SUGCT: variants seen among roughly 807,000 people sequenced by gnomAD.
SUGCT encodes succinyl-CoA:glutarate CoA-transferase.
A neutral mutation model predicts 55.0 loss-of-function variants in SUGCT; 41 were observed. The ratio of observed to expected loss-of-function variants is 0.74; its 90% CI spans 0.58 to 0.97. The LOEUF is 0.97. SUGCT is among the 50% of genes least tolerant of loss of function. The probability of loss-of-function intolerance (pLI) is 0.00; values close to 1 mark genes in which losing one functional copy is unlikely to be tolerated. For synonymous variants in SUGCT, 187 were observed against 200.4 expected (o/e 0.93, Z 0.56); for missense variants, 568 against 547.8 (o/e 1.04, Z -0.37).
intron 7 of SUGCT, among the ~76,000 whole-genome samples, chr7:40,242,931 A>AGTTTTT (rs1789531957): frequency 4.7e-5 from 1 of 21,066 alleles, no homozygotes; most frequent in Non-Finnish European, 8.7e-5. Flanking sequence ...ATATATATAT[A>AGTTTTT]TATTTTTTTT....
At chr7:40,677,955 G>T (rs1279437512) in intron 12 of SUGCT, among the ~76,000 whole-genome samples, 1 of 152,142 alleles carries the variant, frequency 6.6e-6, no homozygotes, top group Non-Finnish European at 1.5e-5. Context: ...TTCCAAAGTG[G>T]CCCAGGGACA....
chr7:40,597,855 A>G (rs73689830), intron 12 of SUGCT, among the ~76,000 whole-genome samples: 4 of 152,184 alleles, frequency 2.6e-5, no homozygotes, highest in African/African-American at 9.7e-5. Context: ...TTCCTGTAAC[A>G]TAATTCAGCC....
rs1004505855 is a variant in SUGCT at position 40,769,938 on chromosome 7, T to C, written c.1153+20441T>C. On this transcript the variant is annotated intron_variant, in intron 13 of 13. Coordinates refer to ENST00000335693, the MANE Select transcript of SUGCT (RefSeq NM_001193313.2). ...CAACACTTAGTTGTTGATTCTTGGATTGAGCCTGTATATTAACTCACTCAT... is the reference window on the plus strand; with the variant it reads ...CAACACTTAGTTGTTGATTCTTGGACTGAGCCTGTATATTAACTCACTCAT... Among the ~76,000 whole-genome samples the C allele has an allele frequency of 1.1e-4, 16 of 152,232 alleles. 1 individual carries two copies. Among genetic ancestry groups the C allele is most frequent in the Non-Finnish European group, 2.2e-4 (15 of 68,046 alleles).
At chr7:40,605,252 C>T (rs887944017) in intron 12 of SUGCT, among the ~76,000 whole-genome samples, 1 of 152,224 alleles carries the variant, frequency 6.6e-6, no homozygotes. Context: ...CCACCAGTTT[C>T]CTTTCATCGT....
chr7:40,386,910 T>G (rs1453141056), intron 9 of SUGCT, among the ~76,000 whole-genome samples: 1 of 152,178 alleles, frequency 6.6e-6, no homozygotes, highest in East Asian at 1.9e-4. Flanking sequence ...GGCAATCTTT[T>G]TCTTTCTCTT....
intron 13 of SUGCT, among the ~76,000 whole-genome samples, chr7:40,845,439 G>C (rs1422392624): frequency 1.3e-5 from 2 of 152,150 alleles, no homozygotes; most frequent in East Asian, 1.9e-4. Context: ...AAACAGCAGG[G>C]GAGAAGGATT....
At chr7:40,333,818 A>T (rs900859083) in intron 9 of SUGCT, among the ~76,000 whole-genome samples, 24 of 149,364 alleles carry the variant, frequency 1.6e-4, no homozygotes, top group Non-Finnish European at 3.0e-4. Flanking sequence ...TTTGTTACAT[A>T]TGTATACATG....
intron 1 of SUGCT, among the ~76,000 whole-genome samples, chr7:40,158,009 C>T (rs553638780): frequency 6.6e-6 from 1 of 152,112 alleles, no homozygotes; most frequent in East Asian, 1.9e-4. Flanking sequence ...GAGTTCAAGA[C>T]CAGCCTGGCC....
At chr7:40,432,543 G>A (rs1302168550) in intron 9 of SUGCT, among the ~76,000 whole-genome samples, 2 of 151,982 alleles carry the variant, frequency 1.3e-5, no homozygotes, top group Non-Finnish European at 2.9e-5. Flanking sequence ...AAAGTTAGCT[G>A]GGTATGGTGG....
chr7:40,417,174 T>G (rs183549335), intron 9 of SUGCT, among the ~76,000 whole-genome samples: 40 of 152,176 alleles, frequency 2.6e-4, no homozygotes, highest in Middle Eastern at 6.8e-3. Flanking sequence ...TTATTCATCC[T>G]GGCAGCGTGA....
chr7:41,035,182 T>TA, the SUGCT span, among the ~76,000 whole-genome samples: 1 of 152,222 alleles, frequency 6.6e-6, no homozygotes, highest in Admixed American at 6.5e-5. Context: ...ACAGTATTCG[T>TA]ATCGCTGAGA....
At chr7:40,260,942 T>C (rs1791182950) in intron 7 of SUGCT, among the ~76,000 whole-genome samples, 1 of 152,354 alleles carries the variant, frequency 6.6e-6, no homozygotes, top group South Asian at 2.1e-4. Context: ...ATTTTTACTT[T>C]CTGAATTTTA....
intron 8 of SUGCT, among the ~76,000 whole-genome samples, chr7:40,304,877 C>T (rs1181231340): frequency 2.6e-5 from 4 of 152,052 alleles, no homozygotes; most frequent in Admixed American, 6.6e-5. Flanking sequence ...ACAGAAAAAG[C>T]ATTTGACAAA....
intron 12 of SUGCT, among the ~76,000 whole-genome samples, chr7:40,591,840 G>A (rs903731461): frequency 8.5e-5 from 13 of 152,112 alleles, no homozygotes; most frequent in African/African-American, 2.7e-4. Flanking sequence ...TTTTTTAGAC[G>A]TAATGCTATT....
intron 13 of SUGCT, among the ~76,000 whole-genome samples, chr7:40,797,147 T>A (rs1219381962): frequency 1.3e-5 from 2 of 152,144 alleles, no homozygotes; most frequent in Non-Finnish European, 2.9e-5. Flanking sequence ...TTCAATAGGA[T>A]AGAGAAAAGA....
chr7:40,477,907 C>G (rs1249842520), intron 11 of SUGCT, among the ~76,000 whole-genome samples: 1 of 152,136 alleles, frequency 6.6e-6, no homozygotes, highest in African/African-American at 2.4e-5. Context: ...GATTATTAAT[C>G]TTTCCAGTAT....
intron 12 of SUGCT, among the ~76,000 whole-genome samples, chr7:40,631,889 T>C (rs901998527): frequency 6.6e-6 from 1 of 152,222 alleles, no homozygotes; most frequent in African/African-American, 2.4e-5. Context: ...ACCTCATTGC[T>C]ACATGGATTT....
Position 40,135,088 on chromosome 7 carries a change from G to T in SUGCT, c.68G>T (p.Gly23Val). Residue 23 changes from glycine (G) to valine (V), a missense_variant, in exon 1 of 14, where the codon GGG becomes GTG. Physicochemically the swap from Gly to Val is moderately radical, Grantham distance 109. Coordinates refer to ENST00000335693, the MANE Select transcript of SUGCT (RefSeq NM_001193313.2). ...RTCLFSGRGG[G>V]RGLWTGRPQS... is the part of the protein sequence containing the mutation. ...TGCCTCTTCTCCGGCCGGGGCGGCG[G>T]GAGGGGGCTGTGGACTGGCCGCCCG... 6.4e-7 allele frequency: 1 copy of T among 1,559,642 alleles called. No individual in the cohort carries two copies. Among genetic ancestry groups the T allele is most frequent in the East Asian group, 2.4e-5 (1 of 41,510 alleles).
chr7:40,826,245 G>T (rs1044844568), intron 13 of SUGCT, among the ~76,000 whole-genome samples: 3 of 152,116 alleles, frequency 2.0e-5, no homozygotes, highest in African/African-American at 4.8e-5. Context: ...AGTAATTCCT[G>T]GCATCCTTCA....
Sources: allele counts gnomAD v4.1 joint callset (sites outside exome capture counted in the v4.1 genomes callset), GRCh38; gene constraint gnomAD v4.1.1; transcripts MANE v1.5; gene names NCBI Gene and HGNC (gene_info 2026-07-23, HGNC 2026-07-21).